The following PLA2G4E variants were observed in gnomAD, a reference collection of about 807,000 sequenced individuals.
PLA2G4E encodes cytosolic phospholipase A2 epsilon.
In PLA2G4E, 84 loss-of-function variants were observed where a neutral mutation model predicts 109.1. The ratio of observed to expected loss-of-function variants is 0.77; its 90% confidence interval spans 0.65 to 0.92. The LOEUF is 0.92. Among genes scored for constraint, PLA2G4E ranks in the 40% least tolerant of loss-of-function variants. PLA2G4E has a pLI of 0.00. For synonymous variants in PLA2G4E, 469 were observed against 436.1 expected, an observed-to-expected ratio of 1.08 and a Z score of -0.94; for missense variants, 1,057 against 1,076.6, an observed-to-expected ratio of 0.98 and a Z score of 0.25.
At chr15:42,003,298 G>A (rs1595565290) in intron 5 of PLA2G4E, among the ~76,000 whole-genome samples, 1 of 152,164 alleles carries the variant, frequency 6.6e-6, no homozygotes, top group African/African-American at 2.4e-5. Context: ...TCGCTCTGTC[G>A]CCCAGGCTGG....
intron 1 of PLA2G4E, among the ~76,000 whole-genome samples, chr15:42,039,852 A>G (rs1296540975): frequency 6.6e-6 from 1 of 152,216 alleles, no homozygotes; most frequent in Non-Finnish European, 1.5e-5. Flanking sequence ...TAAAATGATC[A>G]ATTCTTCCTA....
chr15:41,990,078 C>T (rs537308784), intron 14 of PLA2G4E, 43 bp downstream of exon 14: 15 of 1,545,230 alleles, frequency 9.7e-6, no homozygotes, highest in Non-Finnish European at 1.3e-5. Flanking sequence ...CCAAGAAGTC[C>T]CCCCCTCCAC....
At chr15:41,993,747 G>A (rs539438911) in intron 12 of PLA2G4E, among the ~76,000 whole-genome samples, 1 of 152,138 alleles carries the variant, frequency 6.6e-6, no homozygotes, top group East Asian at 1.9e-4. Flanking sequence ...AGGAAACAGG[G>A]GCCTCCTCCC....
chr15:42,035,729 T>C (rs1207191381), intron 1 of PLA2G4E, among the ~76,000 whole-genome samples: 2 of 152,194 alleles, frequency 1.3e-5, no homozygotes, highest in African/African-American at 4.8e-5. Flanking sequence ...CCCTGGGGCC[T>C]TTGACTCTGT....
intron 1 of PLA2G4E, among the ~76,000 whole-genome samples, chr15:42,036,903 C>G (rs1259096385): frequency 6.6e-6 from 1 of 152,188 alleles, no homozygotes; most frequent in Non-Finnish European, 1.5e-5. Context: ...AGTGCCTGCT[C>G]CCGTTGCCTG....
chr15:42,020,134 C>G (rs1196112424), intron 1 of PLA2G4E, among the ~76,000 whole-genome samples: 4 of 152,268 alleles, frequency 2.6e-5, no homozygotes, highest in Non-Finnish European at 5.9e-5. Flanking sequence ...CTGACTTGGG[C>G]TCCTAGGAGA....
intron 17 of PLA2G4E, among the ~76,000 whole-genome samples, chr15:41,986,653 A>AC (rs1435972394): frequency 6.6e-6 from 1 of 151,918 alleles, no homozygotes; most frequent in Non-Finnish European, 1.5e-5. Flanking sequence ...AGTAGCTGGG[A>AC]CTACAGGTGC....
chr15:41,985,106 C>G (rs2068118687), intron 18 of PLA2G4E, among the ~76,000 whole-genome samples: 2 of 152,214 alleles, frequency 1.3e-5, no homozygotes, highest in Admixed American at 1.3e-4. Flanking sequence ...CCTCTGCTCA[C>G]TAGCTGTGTG....
chr15:41,986,660 G>A (rs1279655261), intron 17 of PLA2G4E, among the ~76,000 whole-genome samples: 3 of 151,982 alleles, frequency 2.0e-5, no homozygotes, highest in Non-Finnish European at 4.4e-5. Context: ...GGGACTACAG[G>A]TGCTCATCAC....
At chr15:42,031,180 G>A (rs1207141185) in intron 1 of PLA2G4E, among the ~76,000 whole-genome samples, 2 of 152,014 alleles carry the variant, frequency 1.3e-5, no homozygotes, top group Admixed American at 6.5e-5. Context: ...TGTTGCCCAC[G>A]CTGGTCTTGA....
At chr15:42,025,228 A>AAAAG (rs990622224) in intron 1 of PLA2G4E, among the ~76,000 whole-genome samples, 2 of 151,878 alleles carry the variant, frequency 1.3e-5, no homozygotes, top group African/African-American at 2.4e-5. Context: ...AAAAGAAAAG[A>AAAAG]AAAGAAAGAA....
At chr15:42,039,013 T>C (rs1167528962) in intron 1 of PLA2G4E, among the ~76,000 whole-genome samples, 1 of 152,148 alleles carries the variant, frequency 6.6e-6, no homozygotes, top group Non-Finnish European at 1.5e-5. Context: ...GCATTTTCCT[T>C]ATTATTAGGG....
At chr15:41,989,329 G>T in intron 15 of PLA2G4E, 86 bp downstream of exon 15, 1 of 1,544,496 alleles carries the variant, frequency 6.5e-7, no homozygotes. Flanking sequence ...CAAGTGCCCC[G>T]AGTGTCACAT....
intron 1 of PLA2G4E, 92 bp from the exon 2 acceptor site, chr15:42,013,849 C>T (rs1408885937): frequency 2.0e-5 from 19 of 930,178 alleles, no homozygotes; most frequent in African/African-American, 1.4e-4. Flanking sequence ...CTCCTCAGGC[C>T]GGCCCAGTTG....
intron 4 of PLA2G4E, among the ~76,000 whole-genome samples, chr15:42,005,260 T>G (rs995591958): frequency 7.2e-5 from 11 of 152,200 alleles, no homozygotes; most frequent in African/African-American, 2.7e-4. Flanking sequence ...TTCTGTCACT[T>G]CCCTGGCTTC....
intron 1 of PLA2G4E, among the ~76,000 whole-genome samples, chr15:42,043,513 G>T (rs1889353942): frequency 7.4e-6 from 1 of 134,818 alleles, no homozygotes; most frequent in African/African-American, 2.8e-5. Flanking sequence ...CCTGCTAATA[G>T]ACACATCCTC....
intron 11 of PLA2G4E, among the ~76,000 whole-genome samples, chr15:41,996,473 C>T (rs999008453): frequency 6.6e-5 from 10 of 150,482 alleles, no homozygotes; most frequent in Non-Finnish European, 1.5e-4. Flanking sequence ...AGCGCTATTA[C>T]AAGTCCTCCT....
intron 11 of PLA2G4E, among the ~76,000 whole-genome samples, chr15:41,995,931 C>A (rs540643690): frequency 1.2e-3 from 186 of 152,328 alleles, no homozygotes; most frequent in Non-Finnish European, 2.1e-3. Flanking sequence ...AGGCCTGGCA[C>A]ATGGTGCCTG....
At chr15:42,033,952 G>A (rs1313643768) in intron 1 of PLA2G4E, among the ~76,000 whole-genome samples, 2 of 152,140 alleles carry the variant, frequency 1.3e-5, no homozygotes, top group Admixed American at 1.3e-4. Context: ...GTAGGGATTG[G>A]GTGGAGTGGG....
Sources: allele counts gnomAD v4.1 joint callset (sites outside exome capture counted in the v4.1 genomes callset), GRCh38; gene constraint gnomAD v4.1.1; transcripts MANE v1.5; gene names NCBI Gene and HGNC (gene_info 2026-07-23, HGNC 2026-07-21).